Variants in TLE6 observed in about 807,000 individuals in gnomAD.
TLE6 encodes transducin-like enhancer protein 6.
Under a neutral mutation model 77.1 loss-of-function variants are expected in TLE6, and 72 were observed. That is an observed-to-expected ratio of 0.93 (90% CI 0.77 to 1.14). The LOEUF is 1.14. Among genes scored for constraint, TLE6 ranks in the 50% most tolerant of loss-of-function variants. The pLI, the probability that TLE6 is intolerant of heterozygous loss-of-function variation, is 0.00. For missense variants in TLE6, 843 were observed against 747.6 expected (o/e 1.13, Z -1.49); for synonymous variants, 366 against 287.3 (o/e 1.27, Z -2.77).
intron 10 of TLE6, 44 bp downstream of exon 10, chr19:2,988,018 C>T (rs1460323832): frequency 6.3e-7 from 1 of 1,588,552 alleles, no homozygotes; most frequent in African/African-American, 1.3e-5. Flanking sequence ...GAAGGCTGCC[C>T]AGGGTGGGGT....
At chr19:2,993,614 C>T (rs748670562) in intron 15 of TLE6, 32 bp downstream of exon 15, 4 of 1,529,428 alleles carry the variant, frequency 2.6e-6, no homozygotes, top group Non-Finnish European at 2.6e-6. Context: ...AGGGGACTCC[C>T]CTGCAGCCCC....
chr19:2,977,601 C>G lies in TLE6; in HGVS notation c.-46C>G, dbSNP rs17681742. ...GCCTGAACTTGGCTGACCTCCGCAGCTTCCGCCCGGTGAGGGACGTGAGTT... is the reference window on the plus strand; with the variant it reads ...GCCTGAACTTGGCTGACCTCCGCAGGTTCCGCCCGGTGAGGGACGTGAGTT... On this transcript the variant is annotated 5_prime_UTR_variant, in exon 1 of 17. Coordinates refer to ENST00000246112, the MANE Select transcript of TLE6 (RefSeq NM_001143986.2). The G allele has an allele frequency of 0.14, 22,003 of 152,446 alleles. 2,035 individuals carry two copies. The highest frequency in any genetic ancestry group is 0.22 in the Non-Finnish European group (14,799 of 68,210). 9.4% of individuals were successfully genotyped at this position (152,446 alleles called of 1,614,324 possible). A position where few individuals can be genotyped will look rare whatever the true frequency, so the allele number is the denominator to read the frequency against.
At chr19:2,990,062 C>T (rs2089010396) in intron 13 of TLE6, among the ~76,000 whole-genome samples, 1 of 151,992 alleles carries the variant, frequency 6.6e-6, no homozygotes, top group Non-Finnish European at 1.5e-5. Flanking sequence ...ATGTGACAGC[C>T]CCAAACTCAA....
chr19:2,990,950 G>A (rs1218167586), intron 13 of TLE6, among the ~76,000 whole-genome samples: 1 of 151,146 alleles, frequency 6.6e-6, no homozygotes, highest in Non-Finnish European at 1.5e-5. Flanking sequence ...AGCCAAGATG[G>A]TGCCACTGCA....
intron 5 of TLE6, among the ~76,000 whole-genome samples, chr19:2,983,147 G>T (rs1156420606): frequency 6.6e-6 from 1 of 152,228 alleles, no homozygotes; most frequent in Non-Finnish European, 1.5e-5. Flanking sequence ...CTGGGAGGAG[G>T]GGGGCAGCGA....
At chr19:2,990,166 A>G (rs1191471110) in intron 13 of TLE6, among the ~76,000 whole-genome samples, 2 of 152,172 alleles carry the variant, frequency 1.3e-5, no homozygotes, top group East Asian at 3.8e-4. Context: ...TGGGAGGTCA[A>G]GACGGGACAA....
In TLE6 at chr19:2,987,987, C is replaced by T. The variant is rs2088954888; in HGVS notation, c.702+13C>T. On this transcript the variant is annotated intron_variant, in intron 10 of 16. Coordinates refer to ENST00000246112, the MANE Select transcript of TLE6 (RefSeq NM_001143986.2). ...GGGTGTGGTCCAGGTGAGACCCAGG[C>T]CCGAGCTGGTAGCCCAGCGTGAAGG... 6.2e-7 allele frequency: 1 copy of T among 1,607,358 alleles called. No individual in the cohort carries two copies. The highest frequency in any genetic ancestry group is 1.7e-5 in the Admixed American group (1 of 59,266).
intron 5 of TLE6, among the ~76,000 whole-genome samples, chr19:2,983,271 A>G (rs1325064409): frequency 6.6e-6 from 1 of 152,158 alleles, no homozygotes; most frequent in South Asian, 2.1e-4. Context: ...GAAAATAGCA[A>G]AGAACGACGC....
rs145121912 is a variant in TLE6, at chr19:2,987,177, C to T, written c.480C>T (p.Thr160=). Residue 160 remains threonine, a synonymous_variant, in exon 7 of 17, where the codon ACC becomes ACT. Transcript: ENST00000246112. ...CTTGGTTTTGGCACGACACTCTGAC[C>T]GAGCAACTCTGGCGGATTTTTGCCG... ...KEPWFWHDTL[T]EQLWRIFAGV... The T allele has an allele frequency of 4.3e-6, 7 of 1,613,976 alleles. No homozygotes were observed. The highest frequency in any genetic ancestry group is 3.3e-5 in the South Asian group (3 of 91,092).
chr19:2,982,239 G>A (rs1229481211), intron 5 of TLE6, 50 bp downstream of exon 5: 1 of 1,547,306 alleles, frequency 6.5e-7, no homozygotes. Flanking sequence ...TGAAAGGCAT[G>A]AGAAAGCACA....
At chr19:2,986,182 G>A (rs528607872) in intron 5 of TLE6, among the ~76,000 whole-genome samples, 5 of 150,584 alleles carry the variant, frequency 3.3e-5, no homozygotes, top group Admixed American at 1.3e-4. Context: ...GGAGGCACAC[G>A]TGGGAGGATA....
In TLE6 at chr19:2,978,301, G is replaced by A; in HGVS notation, c.51+17G>A. 1 of 1,551,166 alleles carries A rather than the reference G, an allele frequency of 6.4e-7. No individual in the cohort carries two copies. The highest frequency in any genetic ancestry group is 2.4e-5 in the East Asian group (1 of 40,922). On this transcript the variant is annotated intron_variant, in intron 2 of 16. Transcript: ENST00000246112. ...AGCACTTCGGTGAGGAGGGCATGTGGTGGGATCAGCCCTCAAGGGAAACCC... is the reference window on the plus strand; with the variant it reads ...AGCACTTCGGTGAGGAGGGCATGTGATGGGATCAGCCCTCAAGGGAAACCC...
At position 2,994,604 on chromosome 19, in the gene TLE6, T is replaced by TAA. The variant is rs60469842; in HGVS notation, c.1615-290_1615-289dup. Among the ~76,000 whole-genome samples, 160 of 149,298 alleles carry TAA rather than the reference T, an allele frequency of 1.1e-3. 2 individuals are homozygous for TAA. Among genetic ancestry groups the TAA allele is most frequent in the South Asian group, 4.6e-3 (22 of 4,758 alleles). On this transcript the variant is annotated intron_variant, in intron 16 of 16. Transcript: ENST00000246112. ...CAGCCTGGGTGACAGAGACTCCATC[T>TAA]AAAAAAATAATAATAATAATTAAAA... is the stretch of plus-strand genomic sequence containing the variant.
Position 2,992,002 on chromosome 19 carries a change from G to T in TLE6, c.1386+18G>T. The T allele has an allele frequency of 6.2e-7, 1 of 1,611,074 alleles. No individual in the cohort carries two copies. Among genetic ancestry groups the T allele is most frequent in the South Asian group, 1.1e-5 (1 of 90,984 alleles). ...AGTCTCAGGTGCGGAGGCCGGGATG[G>T]GGTCTGCTTGGCCAGGCATCCTCTG... On this transcript the variant is annotated intron_variant, in intron 14 of 16. Transcript: ENST00000246112.
At chr19:2,978,780 T>A (rs1036364746) in intron 2 of TLE6, among the ~76,000 whole-genome samples, 7 of 152,096 alleles carry the variant, frequency 4.6e-5, no homozygotes, top group African/African-American at 1.7e-4. Flanking sequence ...TCTAATCACA[T>A]ATGTGATAAA....
chr19:2,980,304 G>T, intron 3 of TLE6, 122 bp downstream of exon 3: 1 of 728,940 alleles, frequency 1.4e-6, no homozygotes, highest in Non-Finnish European at 2.2e-6. Flanking sequence ...TCAGGAACAG[G>T]AAGCCATGCA....
intron 13 of TLE6, among the ~76,000 whole-genome samples, chr19:2,990,871 CAT>C (rs2089035253): frequency 1.3e-5 from 2 of 151,110 alleles, no homozygotes; most frequent in East Asian, 4.0e-4. Flanking sequence ...CGTGGTGGCA[CAT>C]GCCTGTAATC....
intron 11 of TLE6, among the ~76,000 whole-genome samples, chr19:2,988,349 C>T (rs1189873784): frequency 6.6e-6 from 1 of 152,100 alleles, no homozygotes; most frequent in Admixed American, 6.6e-5. Flanking sequence ...GTAATCCCAG[C>T]ACTTTGGGAG....
intron 5 of TLE6, among the ~76,000 whole-genome samples, chr19:2,985,607 G>C (rs1276430973): frequency 6.9e-6 from 1 of 144,078 alleles, no homozygotes; most frequent in Non-Finnish European, 1.5e-5. Flanking sequence ...TTTTAGTAGA[G>C]ATGGAGTTTC....
Sources: allele counts gnomAD v4.1 joint callset (sites outside exome capture counted in the v4.1 genomes callset), GRCh38; gene constraint gnomAD v4.1.1; transcripts MANE v1.5; gene names NCBI Gene and HGNC (gene_info 2026-07-23, HGNC 2026-07-21).